The following C2CD5 variants were observed in gnomAD, a reference collection of about 807,000 sequenced individuals.
The protein encoded by C2CD5 is C2 domain-containing protein 5.
C2CD5 carries 109 observed loss-of-function variants against 130.3 expected under a neutral mutation model. The ratio of observed to expected loss-of-function variants is 0.84; its 90% CI spans 0.72 to 0.98. The LOEUF (loss-of-function observed/expected upper bound fraction) is 0.98, where lower values mean the gene tolerates loss of function less well. Among genes scored for constraint, C2CD5 ranks in the 50% least tolerant of loss-of-function variants. The probability of loss-of-function intolerance (pLI) is 0.00; values close to 1 mark genes in which losing one functional copy is unlikely to be tolerated. For synonymous variants in C2CD5, 454 were observed against 429.2 expected, an observed-to-expected ratio of 1.06 and a Z score of -0.71; for missense variants, 996 against 1,261.8, an observed-to-expected ratio of 0.79 and a Z score of 3.19.
Position 22,458,519 on chromosome 12 carries a change from T to A in C2CD5, c.2651A>T (p.Lys884Ile). The change falls in exon 24 of 27, where the codon AAA becomes ATA. Residue 884 changes from lysine (K) to isoleucine (I), a missense_variant. Physicochemically the swap from Lys to Ile is moderately radical, Grantham distance 102. Coordinates refer to ENST00000446597, the MANE Select transcript of C2CD5 (RefSeq NM_001286176.2). ...TGATCCACGCCTTATGGTCTGAGCT[T>A]TCAGTTTAATGAGCTCTATCCAGCT... Reference protein sequence around the residue: ...CSSWIELIKLKAQTIRRGSIK... With the variant: ...CSSWIELIKLIAQTIRRGSIK... 7.7e-7 allele frequency: 1 copy of A among 1,305,212 alleles called. No individual in the cohort carries two copies. The highest frequency in any genetic ancestry group is 9.8e-7 in the Non-Finnish European group (1 of 1,024,240). The allele number at this position is 1,305,212 out of a possible 1,614,324, so 80.9% of individuals were successfully genotyped here.
At chr12:22,535,478 A>G in intron 2 of C2CD5, 134 bp from the exon 3 acceptor site, 1 of 607,484 alleles carries the variant, frequency 1.6e-6, no homozygotes, top group Non-Finnish European at 3.0e-6. Flanking sequence ...GACAAAGGGA[A>G]GAAGGTACAG....
chr12:22,476,782 TTAAG>T (rs1943905416), intron 15 of C2CD5, among the ~76,000 whole-genome samples: 1 of 152,032 alleles, frequency 6.6e-6, no homozygotes, highest in African/African-American at 2.4e-5. Flanking sequence ...AGAAACACTA[TTAAG>T]TAAGTAAAAA....
intron 2 of C2CD5, among the ~76,000 whole-genome samples, chr12:22,536,215 T>A (rs1019856087): frequency 1.3e-5 from 2 of 151,658 alleles, no homozygotes; most frequent in Non-Finnish European, 2.9e-5. Flanking sequence ...TAGAAGTATA[T>A]ACAAGAAATA....
intron 7 of C2CD5, among the ~76,000 whole-genome samples, chr12:22,520,100 A>T (rs1950141355): frequency 6.6e-6 from 1 of 152,156 alleles, no homozygotes; most frequent in Non-Finnish European, 1.5e-5. Context: ...GGCTAAAAGG[A>T]TTACATTGAA....
chr12:22,469,754 G>C lies in C2CD5; in HGVS notation c.2488C>G (p.Leu830Val). The change falls in exon 22 of 27, where the codon CTG (leucine) becomes GTG (valine). Residue 830 changes from leucine (L) to valine (V), a missense_variant. Physicochemically the swap from Leu to Val is conservative, Grantham distance 32. This residue lies in a region of C2CD5 where 590 missense variants were observed against 631.4 expected (regional missense o/e 0.93). Coordinates refer to ENST00000446597, the MANE Select transcript of C2CD5 (RefSeq NM_001286176.2). ...TGAGAAGGAAGTGAATCTGAACACA[G>C]TTCCAGTGGAAATTGTAAAAGTTCT... ...NEELLQFPLE[L>V]CSDSLPSHPF... 6.2e-7 allele frequency: 1 copy of C among 1,606,136 alleles called. No individual in the cohort carries two copies. The highest frequency in any genetic ancestry group is 8.5e-7 in the Non-Finnish European group (1 of 1,176,184).
intron 6 of C2CD5, 75 bp from the exon 7 acceptor site, chr12:22,523,699 TAA>T (rs377557729): frequency 0.039 from 27,990 of 720,772 alleles, no homozygotes; most frequent in South Asian, 0.057. Flanking sequence ...ATGGTAGTGG[TAA>T]AAAAAAAAAA....
chr12:22,463,883 T>C (rs1347224709), intron 22 of C2CD5: 2 of 152,212 alleles, frequency 1.3e-5, no homozygotes, highest in African/African-American at 2.4e-5. Context: ...TTGGGAGTCA[T>C]TATAATTTAT....
chr12:22,506,970 TAATTA>T, intron 9 of C2CD5, 151 bp from the exon 10 acceptor site: 1 of 560,454 alleles, frequency 1.8e-6, no homozygotes, highest in East Asian at 2.9e-5. Context: ...ATTAAAAGTT[TAATTA>T]AATGTTTAGA....
chr12:22,458,486 G>C lies in C2CD5; in HGVS notation c.2684C>G (p.Thr895Arg). 8.0e-7 allele frequency: 1 copy of C among 1,245,538 alleles called. No individual in the cohort carries two copies. Among genetic ancestry groups the C allele is most frequent in the Non-Finnish European group, 1.0e-6 (1 of 984,974 alleles). The allele number at this position is 1,245,538 out of a possible 1,614,324, so 77.2% of individuals were successfully genotyped here. ...AQTIRRGSIKTTMTVEKASPV... is the reference protein window; with the variant it reads ...AQTIRRGSIKRTMTVEKASPV... Reference sequence around the variant, plus strand: ...ATGTGGTAGAAACATCCGCCTACTTGTCTTAATTGATCCACGCCTTATGGT... The same window carrying C: ...ATGTGGTAGAAACATCCGCCTACTTCTCTTAATTGATCCACGCCTTATGGT... Residue 895 changes from threonine to arginine, a missense_variant and splice_region_variant, in exon 24 of 27, where the codon ACA (threonine) becomes AGA (arginine). Thr to Arg is a moderately conservative substitution (Grantham distance 71, BLOSUM62 -1). Transcript: ENST00000446597.
intron 12 of C2CD5, among the ~76,000 whole-genome samples, chr12:22,485,983 C>T (rs1945441697): frequency 6.6e-6 from 1 of 151,846 alleles, no homozygotes; most frequent in Non-Finnish European, 1.5e-5. Context: ...TTATACGAGT[C>T]AAATGCAGAT....
chr12:22,529,878 G>A (rs1419751110), intron 3 of C2CD5, among the ~76,000 whole-genome samples: 1 of 151,708 alleles, frequency 6.6e-6, no homozygotes, highest in African/African-American at 2.4e-5. Flanking sequence ...GAACACTCAT[G>A]TGCTCACTGG....
intron 20 of C2CD5, 26 bp downstream of exon 20, chr12:22,471,373 C>A: frequency 1.7e-6 from 2 of 1,170,450 alleles, no homozygotes; most frequent in Non-Finnish European, 2.6e-6. Context: ...CAGATAAAGA[C>A]TAATAATGGA....
chr12:22,523,955 CTT>C (rs1166604235), intron 6 of C2CD5, among the ~76,000 whole-genome samples: 3 of 151,654 alleles, frequency 2.0e-5, no homozygotes, highest in Admixed American at 1.3e-4. Context: ...ACATATAACT[CTT>C]AATATAAATG....
In C2CD5 at chr12:22,482,602, T is replaced by G. The variant is rs776289003; in HGVS notation, c.1692A>C (p.Leu564=). 1.9e-6 allele frequency: 3 copies of G among 1,613,846 alleles called. No individual in the cohort carries two copies. In the South Asian group the frequency reaches 3.3e-5, roughly 18 times the overall value. The change falls in exon 14 of 27, where the codon CTA becomes CTC. Residue 564 remains leucine, a synonymous_variant. Transcript: ENST00000446597. ...KLKGMNALFG[L]RIQITVGENM... ...TTTCACCCACTGTGATCTGAATTCT[T>G]AGTCCAAACAAAGCATTCATTCCTT...
At chr12:22,542,250 T>A (rs948904355) in intron 2 of C2CD5, among the ~76,000 whole-genome samples, 2 of 152,258 alleles carry the variant, frequency 1.3e-5, no homozygotes, top group Admixed American at 6.5e-5. Context: ...CTTAAAAAAC[T>A]CCCCTGGCCA....
intron 25 of C2CD5, among the ~76,000 whole-genome samples, chr12:22,454,407 TTGA>T (rs1230240147): frequency 6.6e-6 from 1 of 152,184 alleles, no homozygotes; most frequent in East Asian, 1.9e-4. Context: ...TTTAAACAAA[TTGA>T]TGATAAGCCT....
intron 9 of C2CD5, among the ~76,000 whole-genome samples, chr12:22,507,618 A>C (rs1207829152): frequency 6.6e-6 from 1 of 152,212 alleles, no homozygotes; most frequent in African/African-American, 2.4e-5. Flanking sequence ...GGACCCAATA[A>C]GAAAACGGAG....
intron 9 of C2CD5, among the ~76,000 whole-genome samples, chr12:22,508,361 G>T (rs901910969): frequency 6.6e-6 from 1 of 152,146 alleles, no homozygotes; most frequent in Non-Finnish European, 1.5e-5. Flanking sequence ...GAAGAGGATG[G>T]AAGGAGAGTA....
Position 22,484,866 on chromosome 12 carries a change from G to A in C2CD5, c.1381C>T (p.Arg461Cys), listed in dbSNP as rs748345869. The change falls in exon 13 of 27, where the codon CGT (arginine) becomes TGT (cysteine). Residue 461 changes from arginine (R) to cysteine (C), a missense_variant. Arg to Cys is a radical substitution (Grantham distance 180, BLOSUM62 -3). This residue lies in a region of C2CD5 where 590 missense variants were observed against 631.4 expected (regional missense o/e 0.93). Transcript: ENST00000446597. ...EQRLEENLPTRCGFCHIPYDE... is the reference protein window; with the variant it reads ...EQRLEENLPTCCGFCHIPYDE... ...TATGGTATATGACAAAATCCACAACGTGTAGGCAAATTTTCTTCAAGCCTA... is the reference window on the plus strand; with the variant it reads ...TATGGTATATGACAAAATCCACAACATGTAGGCAAATTTTCTTCAAGCCTA... The A allele has an allele frequency of 2.4e-5, 37 of 1,544,986 alleles. No homozygotes were observed. The highest frequency in any genetic ancestry group is 3.1e-5 in the Non-Finnish European group (36 of 1,146,886).
Sources: allele counts gnomAD v4.1 joint callset (sites outside exome capture counted in the v4.1 genomes callset), GRCh38; gene constraint gnomAD v4.1.1; regional missense constraint gnomAD v4.1.1; transcripts MANE v1.5; gene names NCBI Gene and HGNC (gene_info 2026-07-23, HGNC 2026-07-21).